Variants in SPTBN2 observed in about 807,000 individuals in gnomAD.
SPTBN2 encodes spectrin beta chain, non-erythrocytic 2.
Under a neutral mutation model 284.2 loss-of-function variants are expected in SPTBN2, and 107 were observed. That is an observed-to-expected ratio of 0.38 (90% CI 0.32 to 0.44). SPTBN2 has a LOEUF of 0.44. Ranked by LOEUF, SPTBN2 falls within the 20% of genes least tolerant of loss-of-function variation. SPTBN2 has a pLI of 1.00. For missense variants in SPTBN2, 2,569 were observed against 3,287.1 expected, an observed-to-expected ratio of 0.78 and a Z score of 5.34; for synonymous variants, 1,289 against 1,354.8, an observed-to-expected ratio of 0.95 and a Z score of 1.07.
In SPTBN2 at chr11:66,713,553, C is replaced by T. The variant is rs190184144; in HGVS notation, c.772+78G>A. ...TTGGTGGTTACTCCATGTCTTCCCC[C>T]TCCGCAGCCCCTGGCAACCACTGGT... On this transcript the variant is annotated intron_variant, in intron 8 of 37. Coordinates refer to ENST00000533211, the MANE Select transcript of SPTBN2 (RefSeq NM_006946.4). The T allele has an allele frequency of 4.2e-4, 477 of 1,122,696 alleles. 2 individuals are homozygous for T. In the African/African-American group the frequency reaches 6.5e-3, roughly 15 times the overall value. 69.5% of individuals were successfully genotyped at this position (1,122,696 alleles called of 1,614,324 possible). A position where few individuals can be genotyped will look rare whatever the true frequency, so the allele number is the denominator to read the frequency against.
chr11:66,738,125 G>C (rs748481001), intron 1 of SPTBN2, among the ~76,000 whole-genome samples: 1 of 152,068 alleles, frequency 6.6e-6, no homozygotes, highest in Non-Finnish European at 1.5e-5. Flanking sequence ...TGAGGCAGGA[G>C]AATCACTTGA....
At chr11:66,744,099 G>A (rs1367663246) in intron 1 of SPTBN2, among the ~76,000 whole-genome samples, 1 of 152,154 alleles carries the variant, frequency 6.6e-6, no homozygotes, top group African/African-American at 2.4e-5. Flanking sequence ...GACCTCAGGT[G>A]ATCCACTCGC....
At chr11:66,743,949 C>G (rs1222814262) in intron 1 of SPTBN2, among the ~76,000 whole-genome samples, 1 of 152,186 alleles carries the variant, frequency 6.6e-6, no homozygotes, top group Non-Finnish European at 1.5e-5. Flanking sequence ...CAACCTCCGC[C>G]TCCCAGGTTC....
At chr11:66,688,547 G>T (rs537002869) in intron 31 of SPTBN2, 106 bp downstream of exon 31, 171 of 1,482,026 alleles carry the variant, frequency 1.2e-4, no homozygotes, top group Non-Finnish European at 1.5e-4. Context: ...ACATCTGGGG[G>T]CCACTGGTGC....
intron 1 of SPTBN2, among the ~76,000 whole-genome samples, chr11:66,724,824 C>T (rs115858435): frequency 0.011 from 1,646 of 152,284 alleles, 36 homozygotes; most frequent in African/African-American, 0.037. Context: ...CGAGTCTCAC[C>T]ACCCATCACT....
intron 15 of SPTBN2, among the ~76,000 whole-genome samples, chr11:66,702,611 C>T (rs535117147): frequency 6.6e-5 from 10 of 152,256 alleles, no homozygotes; most frequent in Admixed American, 3.3e-4. Context: ...ACGGGCAATA[C>T]GCAAAAGGGC....
chr11:66,714,901 C>CT (rs138165576), intron 5 of SPTBN2, among the ~76,000 whole-genome samples: 1,637 of 152,300 alleles, frequency 0.011, 39 homozygotes, highest in African/African-American at 0.037. Flanking sequence ...TCCCAAATCC[C>CT]TGTGGTGAAG....
At chr11:66,698,060 T>C (rs1435458916) in intron 20 of SPTBN2, among the ~76,000 whole-genome samples, 3 of 152,212 alleles carry the variant, frequency 2.0e-5, no homozygotes, top group South Asian at 2.1e-4. Flanking sequence ...TTATCTGTCC[T>C]TGACTCTTGA....
At chr11:66,695,201 C>T (rs1940837081) in intron 21 of SPTBN2, among the ~76,000 whole-genome samples, 1 of 152,216 alleles carries the variant, frequency 6.6e-6, no homozygotes, top group Non-Finnish European at 1.5e-5. Context: ...CAGGGACCAG[C>T]AAGTCCAGCC....
At position 66,688,735 on chromosome 11, in the gene SPTBN2, C is replaced by T. The variant is rs750132645; in HGVS notation, c.6149G>A (p.Ser2050Asn). ...ELGCTVDEVE[S>N]LIKRHEAFQK... is the part of the protein sequence containing the mutation. ...GAAGGCCTCGTGCCGCTTGATGAGG[C>T]TCTCAACTTCGTCGACCGTGCAACC... Residue 2050 changes from serine to asparagine, a missense_variant, in exon 31 of 38, where the codon AGC (serine) becomes AAC (asparagine). Ser to Asn is a conservative substitution (Grantham distance 46, BLOSUM62 1). Transcript: ENST00000533211. The T allele has an allele frequency of 1.2e-6, 2 of 1,613,670 alleles. No homozygotes were observed. The highest frequency in any genetic ancestry group is 1.3e-5 in the African/African-American group (1 of 74,932).
At chr11:66,696,134 T>C in intron 21 of SPTBN2, 143 bp downstream of exon 21, 2 of 1,085,312 alleles carry the variant, frequency 1.8e-6, no homozygotes, top group African/African-American at 1.6e-5. Flanking sequence ...CTAGAGATTC[T>C]GATACTGGCT....
intron 1 of SPTBN2, among the ~76,000 whole-genome samples, chr11:66,727,770 G>A (rs2135594317): frequency 6.6e-6 from 1 of 151,792 alleles, no homozygotes; most frequent in East Asian, 2.0e-4. Context: ...AGTCCGCCGG[G>A]CAGAGGCGGC....
At position 66,704,648 on chromosome 11, in the gene SPTBN2, G is replaced by T; in HGVS notation, c.2628C>A (p.Asn876Lys). The T allele has an allele frequency of 6.2e-7, 1 of 1,606,858 alleles. No homozygotes were observed. The highest frequency in any genetic ancestry group is 8.5e-7 in the Non-Finnish European group (1 of 1,176,678). Reference sequence around the variant, plus strand: ...CCAGGCGTTCAGGCAGGGCCAGCCCGTTGAGCCACTGCTCCTTCTCCTCCA... The same window carrying T: ...CCAGGCGTTCAGGCAGGGCCAGCCCTTTGAGCCACTGCTCCTTCTCCTCCA... Reference protein sequence around the residue: ...LWVEEKEQWLNGLALPERLED... With the variant: ...LWVEEKEQWLKGLALPERLED... Residue 876 changes from asparagine to lysine, a missense_variant, in exon 15 of 38, where the codon AAC becomes AAA. By Grantham distance (94) the Asn-to-Lys change is moderately conservative. This residue lies in a region of SPTBN2 where 1,012 missense variants were observed against 1,248.9 expected (regional missense o/e 0.81). Coordinates refer to ENST00000533211, the MANE Select transcript of SPTBN2 (RefSeq NM_006946.4).
intron 19 of SPTBN2, 41 bp downstream of exon 19, chr11:66,698,951 G>C (rs1280892735): frequency 6.2e-7 from 1 of 1,610,976 alleles, no homozygotes; most frequent in Non-Finnish European, 8.5e-7. Context: ...AGGTGAGAAA[G>C]GGATGGCTAG....
At position 66,685,497 on chromosome 11, in the gene SPTBN2, G is replaced by A. The variant is rs934811782; in HGVS notation, c.*374C>T. 3.3e-5 allele frequency: 10 copies of A among 302,754 alleles called. No homozygotes were observed. The highest frequency in any genetic ancestry group is 9.3e-5 in the Admixed American group (2 of 21,610). 18.8% of individuals were successfully genotyped at this position (302,754 alleles called of 1,614,324 possible). A position where few individuals can be genotyped will look rare whatever the true frequency, so the allele number is the denominator to read the frequency against. Reference sequence around the variant, plus strand: ...GGTGAGGAACCAGAAGGCAGAAGGCGAGTGCCCTCGCATGGCAGGAGAATG... The same window carrying A: ...GGTGAGGAACCAGAAGGCAGAAGGCAAGTGCCCTCGCATGGCAGGAGAATG... On this transcript the variant is annotated 3_prime_UTR_variant, in exon 38 of 38. Transcript: ENST00000533211. The surrounding 1 kb of genome is among the most constrained non-coding windows in gnomAD (Gnocchi z 4.4).
exon 1 of SPTBN2, chr11:66,744,581 C>A: frequency 4.6e-6 from 1 of 215,164 alleles, no homozygotes; most frequent in South Asian, 1.8e-4. Context: ...TTCCCCGCCC[C>A]GAACCTCCCA....
Position 66,690,058 on chromosome 11 carries a change from C to A in SPTBN2, c.5791G>T (p.Asp1931Tyr). The A allele has an allele frequency of 6.2e-7, 1 of 1,614,258 alleles. No homozygotes were observed. The highest frequency in any genetic ancestry group is 8.5e-7 in the Non-Finnish European group (1 of 1,180,036). ...LWMDEVNLQM[D>Y]AQERPRDVSS... is the part of the protein sequence containing the mutation. ...TCTCACCGGGGACGCTCCTGGGCAT[C>A]CATCTGCAGGTTGACCTCATCCATC... Residue 1931 changes from aspartate (D) to tyrosine (Y), a missense_variant, in exon 28 of 38, where the codon GAT becomes TAT. Around this residue, in one of 6 missense-constraint regions of SPTBN2, gnomAD observed 1,130 missense variants for 1,317.3 expected, o/e 0.86. Coordinates refer to ENST00000533211, the MANE Select transcript of SPTBN2 (RefSeq NM_006946.4).
At chr11:66,742,365 TC>T (rs766365632) in intron 1 of SPTBN2, among the ~76,000 whole-genome samples, 2 of 152,100 alleles carry the variant, frequency 1.3e-5, no homozygotes, top group Non-Finnish European at 2.9e-5. Flanking sequence ...CCTCCTTGCT[TC>T]TCCCTATGTC....
In SPTBN2 at chr11:66,705,666, CCTTCGCTGA is replaced by C; in HGVS notation, c.1807+9_1807+17del. 6.2e-7 allele frequency: 1 copy of C among 1,609,834 alleles called. No homozygotes were observed. Among genetic ancestry groups the C allele is most frequent in the Non-Finnish European group, 8.5e-7 (1 of 1,179,972 alleles). ...CTTCCCAGCCCCTCCCTCTCCAGTG[CCTTCGCTGA>C]CTTCTCACCTTTCCCTGGGTTGCAG... On this transcript the variant is annotated intron_variant, in intron 14 of 37. Coordinates refer to ENST00000533211, the MANE Select transcript of SPTBN2 (RefSeq NM_006946.4).
Sources: gnomAD v4.1 joint callset for allele counts (sites outside exome capture counted in the v4.1 genomes callset) on GRCh38, gnomAD v4.1.1 for gene constraint, gnomAD v4.1.1 regional missense constraint, Gnocchi (gnomAD v3.1) non-coding constraint, MANE v1.5 for transcripts, NCBI Gene and HGNC (gene_info 2026-07-23, HGNC 2026-07-21) for gene names.